SOX6: variants seen among roughly 807,000 people sequenced by gnomAD.
SOX6 encodes transcription factor SOX-6.
A neutral mutation model predicts 97.8 loss-of-function variants in SOX6; 11 were observed. The ratio of observed to expected loss-of-function variants is 0.11; its 90% CI spans 0.07 to 0.19. The LOEUF (loss-of-function observed/expected upper bound fraction) is 0.19. SOX6 is among the 10% of genes least tolerant of loss of function. The probability of loss-of-function intolerance (pLI) is 1.00; values close to 1 mark genes in which losing one functional copy is unlikely to be tolerated. For missense variants in SOX6, 810 were observed against 1,039.5 expected, an observed-to-expected ratio of 0.78 and a Z score of 3.04; for synonymous variants, 360 against 371.4, an observed-to-expected ratio of 0.97 and a Z score of 0.35.
chr11:16,162,205 CA>C (rs1433870266), intron 6 of SOX6, among the ~76,000 whole-genome samples: 1 of 152,126 alleles, frequency 6.6e-6, no homozygotes, highest in African/African-American at 2.4e-5. Flanking sequence ...TCCTTCAAAA[CA>C]GAAAGAATTA....
intron 4 of SOX6, among the ~76,000 whole-genome samples, chr11:16,589,673 T>C (rs918840351): frequency 6.6e-6 from 1 of 152,090 alleles, no homozygotes; most frequent in Admixed American, 6.6e-5. Flanking sequence ...TATTTAATCA[T>C]CAAGAATACA....
chr11:16,261,403 T>G (rs988363632), intron 3 of SOX6, among the ~76,000 whole-genome samples: 7 of 152,184 alleles, frequency 4.6e-5, no homozygotes, highest in Admixed American at 4.6e-4. Context: ...GTAATTTTTT[T>G]CTGCCATAGA....
intron 12 of SOX6, among the ~76,000 whole-genome samples, chr11:16,037,680 T>A (rs1855554069): frequency 6.6e-6 from 1 of 152,256 alleles, no homozygotes; most frequent in African/African-American, 2.4e-5. Context: ...GGAAGCAGAA[T>A]CTGAAGCCCC....
chr11:16,314,735 C>T (rs964512022), intron 3 of SOX6: 9 of 152,066 alleles, frequency 5.9e-5, no homozygotes, highest in African/African-American at 2.2e-4. Context: ...TTTGTGGTTC[C>T]TATGACATTG....
At position 16,022,571 on chromosome 11, in the gene SOX6, C is replaced by T. The variant is rs112824770; in HGVS notation, c.1624-7521G>A. Among the ~76,000 whole-genome samples, 5,187 of 151,726 alleles carry T rather than the reference C, an allele frequency of 0.034. 481 individuals are homozygous for T. In the East Asian group the frequency reaches 0.37, roughly 11 times the overall value. ...GGATTACAGTGCACACCACTACACC[C>T]GGCTAACTTTTTTGTATTTTTAGCA... On this transcript the variant is annotated intron_variant, in intron 12 of 15. Coordinates refer to ENST00000683767, the MANE Select transcript of SOX6 (RefSeq NM_001367873.1).
rs1313116960 is a variant in SOX6 at position 16,146,194 on chromosome 11, A to G, written c.778-34271T>C. Reference sequence around the variant, plus strand: ...ACAGAACAGAGCCCTCAGAAATAATACCACACATCTACAACTATCTGATCT... The same window carrying G: ...ACAGAACAGAGCCCTCAGAAATAATGCCACACATCTACAACTATCTGATCT... On this transcript the variant is annotated intron_variant, in intron 6 of 15. Coordinates refer to ENST00000683767, the MANE Select transcript of SOX6 (RefSeq NM_001367873.1). 4.6e-5 allele frequency among the ~76,000 whole-genome samples: 7 copies of G among 152,226 alleles called. No individual in the cohort carries two copies. The South Asian group carries it at 1.2e-3, about 27-fold the overall frequency.
chr11:16,549,423 C>A (rs1471387384), intron 4 of SOX6, among the ~76,000 whole-genome samples: 1 of 152,142 alleles, frequency 6.6e-6, no homozygotes, highest in Non-Finnish European at 1.5e-5. Context: ...CCCACCTCGG[C>A]CTCCCAATAT....
intron 3 of SOX6, among the ~76,000 whole-genome samples, chr11:16,292,635 T>C (rs1395622585): frequency 6.6e-6 from 1 of 152,082 alleles, no homozygotes; most frequent in African/African-American, 2.4e-5. Context: ...GAAATAAAAC[T>C]CAACATATGT....
intron 4 of SOX6, among the ~76,000 whole-genome samples, chr11:16,500,956 C>G (rs1245999435): frequency 1.5e-4 from 23 of 152,164 alleles, no homozygotes; most frequent in Admixed American, 1.1e-3. Context: ...TTGGAAAAAA[C>G]TACTTTAAAG....
At chr11:16,095,590 T>C (rs74398583) in intron 9 of SOX6, among the ~76,000 whole-genome samples, 3,659 of 151,918 alleles carry the variant, frequency 0.024, 150 homozygotes, top group African/African-American at 0.083. Context: ...GTTTTATCTA[T>C]ACAAGCAGAA....
chr11:16,576,755 T>C (rs1294864306), intron 4 of SOX6: 1 of 152,234 alleles, frequency 6.6e-6, no homozygotes, highest in Non-Finnish European at 1.5e-5. Flanking sequence ...GAAAGGTCTT[T>C]ATCCTCATTT....
intron 3 of SOX6, among the ~76,000 whole-genome samples, chr11:16,253,021 A>G (rs562873808): frequency 1.3e-5 from 2 of 152,306 alleles, no homozygotes; most frequent in East Asian, 1.9e-4. Flanking sequence ...ACAAAAAATT[A>G]TAAGACATAC....
chr11:16,146,761 A>G (rs1158538300), intron 6 of SOX6, among the ~76,000 whole-genome samples: 1 of 152,220 alleles, frequency 6.6e-6, no homozygotes, highest in African/African-American at 2.4e-5. Context: ...AATGCTCATC[A>G]TCACTGGCCA....
intron 2 of SOX6, among the ~76,000 whole-genome samples, chr11:16,339,875 A>G (rs2134338817): frequency 6.6e-6 from 1 of 152,216 alleles, no homozygotes; most frequent in East Asian, 1.9e-4. Flanking sequence ...CAATCAGAAA[A>G]ACAGACTTGC....
intron 4 of SOX6, among the ~76,000 whole-genome samples, chr11:16,589,952 C>T (rs886579459): frequency 3.9e-5 from 6 of 152,062 alleles, no homozygotes; most frequent in African/African-American, 1.4e-4. Flanking sequence ...AAGCTACATG[C>T]TATCAGAATA....
chr11:16,645,176 AT>A (rs1394846890), intron 3 of SOX6, among the ~76,000 whole-genome samples: 3 of 152,028 alleles, frequency 2.0e-5, no homozygotes, highest in Non-Finnish European at 2.9e-5. Context: ...TTTCAATCAA[AT>A]TTTTTTTCTG....
intron 6 of SOX6, among the ~76,000 whole-genome samples, chr11:16,183,656 G>C (rs1317406579): frequency 6.6e-6 from 1 of 151,810 alleles, no homozygotes; most frequent in Non-Finnish European, 1.5e-5. Flanking sequence ...AAGGCAAAAA[G>C]AAAAAAGATA....
At chr11:16,133,976 C>T (rs1200374366) in intron 6 of SOX6, among the ~76,000 whole-genome samples, 1 of 152,170 alleles carries the variant, frequency 6.6e-6, no homozygotes, top group African/African-American at 2.4e-5. Flanking sequence ...TGAGCCACCA[C>T]GCCCAACTAT....
chr11:16,120,265 C>G (rs1849455923), intron 6 of SOX6, among the ~76,000 whole-genome samples: 1 of 150,116 alleles, frequency 6.7e-6, no homozygotes, highest in East Asian at 2.0e-4. Context: ...CTCTCTGTCT[C>G]TCATAACTTC....
Sources: gnomAD v4.1 joint callset for allele counts (sites outside exome capture counted in the v4.1 genomes callset) on GRCh38, gnomAD v4.1.1 for gene constraint, MANE v1.5 for transcripts, NCBI Gene and HGNC (gene_info 2026-07-23, HGNC 2026-07-21) for gene names.